MCTP2: variants seen among roughly 807,000 people sequenced by gnomAD.
MCTP2 encodes the protein multiple C2 and transmembrane domain-containing protein 2.
In MCTP2, 132 loss-of-function variants were observed where a neutral mutation model predicts 111.6. The observed-to-expected ratio is 1.18, with a 90% confidence interval of 1.03 to 1.37. The LOEUF is 1.37. Ranked by LOEUF, MCTP2 falls within the 40% of genes most tolerant of loss-of-function variation. The pLI is 0.00. For missense variants in MCTP2, 1,183 were observed against 1,067.9 expected, an observed-to-expected ratio of 1.11 and a Z score of -1.50; for synonymous variants, 395 against 387.7, an observed-to-expected ratio of 1.02 and a Z score of -0.22.
chr15:94,475,890 G>C (rs1418486595), intron 21 of MCTP2, among the ~76,000 whole-genome samples: 2 of 145,886 alleles, frequency 1.4e-5, no homozygotes, highest in Admixed American at 6.9e-5. Context: ...CGGTCTATAG[G>C]ATGTTGACAT....
intron 1 of MCTP2, among the ~76,000 whole-genome samples, chr15:94,278,692 C>T (rs2074332623): frequency 7.6e-6 from 1 of 131,312 alleles, no homozygotes; most frequent in African/African-American, 3.2e-5. Flanking sequence ...GAGCGTAGTA[C>T]CTAACAGGTA....
chr15:94,414,843 C>T (rs1320295416), intron 17 of MCTP2, among the ~76,000 whole-genome samples: 6 of 152,124 alleles, frequency 3.9e-5, no homozygotes, highest in Non-Finnish European at 5.9e-5. Context: ...TGCTAATACA[C>T]TTTTTTACAT....
intron 12 of MCTP2, among the ~76,000 whole-genome samples, chr15:94,382,229 A>G (rs1034631205): frequency 6.6e-6 from 1 of 152,174 alleles, no homozygotes; most frequent in African/African-American, 2.4e-5. Context: ...ATATGGGCTG[A>G]GTTTCTTGTG....
intron 2 of MCTP2, among the ~76,000 whole-genome samples, chr15:94,301,728 TACTC>T (rs1401521405): frequency 1.3e-5 from 2 of 152,194 alleles, no homozygotes; most frequent in African/African-American, 2.4e-5. Context: ...TTTGAAAAAA[TACTC>T]AATTTTATTT....
chr15:94,466,259 CAT>C (rs1596821211), intron 20 of MCTP2, among the ~76,000 whole-genome samples: 1 of 152,052 alleles, frequency 6.6e-6, no homozygotes, highest in East Asian at 1.9e-4. Context: ...CTCATGGTGT[CAT>C]GTGTCTTTTT....
intron 17 of MCTP2, among the ~76,000 whole-genome samples, chr15:94,434,987 C>T (rs2083392406): frequency 6.6e-6 from 1 of 152,038 alleles, no homozygotes; most frequent in African/African-American, 2.4e-5. Context: ...CCTTAGCCTC[C>T]CGAGTAGCTG....
intron 1 of MCTP2, among the ~76,000 whole-genome samples, chr15:94,232,212 G>A (rs1179674699): frequency 6.6e-6 from 1 of 152,186 alleles, no homozygotes; most frequent in Admixed American, 6.5e-5. Context: ...AACTTGAGTG[G>A]CGATTAGTTT....
At chr15:94,373,006 A>G (rs1338216410) in intron 12 of MCTP2, among the ~76,000 whole-genome samples, 1 of 152,224 alleles carries the variant, frequency 6.6e-6, no homozygotes, top group Non-Finnish European at 1.5e-5. Context: ...GCAAAAGTCC[A>G]TAGGGATTAG....
At chr15:94,391,804 A>C (rs1173684873) in intron 14 of MCTP2, among the ~76,000 whole-genome samples, 1 of 152,220 alleles carries the variant, frequency 6.6e-6, no homozygotes, top group Non-Finnish European at 1.5e-5. Context: ...ACAGGCTAAG[A>C]GAGAAAGAAT....
intron 20 of MCTP2, among the ~76,000 whole-genome samples, chr15:94,461,321 A>G (rs977744913): frequency 6.6e-6 from 1 of 152,050 alleles, no homozygotes; most frequent in African/African-American, 2.4e-5. Flanking sequence ...TTAGCCGAGC[A>G]TGGTGGCACA....
chr15:94,377,616 A>G (rs150149054), intron 12 of MCTP2, among the ~76,000 whole-genome samples: 59 of 152,328 alleles, frequency 3.9e-4, no homozygotes, highest in African/African-American at 1.2e-3. Flanking sequence ...TTTAGCAAAT[A>G]TACCTTTTCT....
At chr15:94,436,011 T>G (rs1438701105) in intron 17 of MCTP2, among the ~76,000 whole-genome samples, 2 of 152,120 alleles carry the variant, frequency 1.3e-5, no homozygotes, top group Admixed American at 6.5e-5. Context: ...TCACATGTCT[T>G]AGGGTGATAG....
chr15:94,254,841 A>G (rs2072663849), intron 1 of MCTP2, among the ~76,000 whole-genome samples: 1 of 152,230 alleles, frequency 6.6e-6, no homozygotes, highest in Admixed American at 6.5e-5. Flanking sequence ...CTTAGAAACT[A>G]ATGACTTCGC....
At chr15:94,354,443 A>C (rs1309602191) in intron 8 of MCTP2, among the ~76,000 whole-genome samples, 1 of 152,092 alleles carries the variant, frequency 6.6e-6, no homozygotes, top group Admixed American at 6.5e-5. Context: ...TTCTCTTGAG[A>C]TCTGATGGCT....
At position 94,409,283 on chromosome 15, in the gene MCTP2, C is replaced by T. The variant is rs549976308; in HGVS notation, c.2085+7264C>T. Among the ~76,000 whole-genome samples the T allele has an allele frequency of 1.8e-4, 27 of 152,200 alleles. 1 individual carries two copies. Among genetic ancestry groups the T allele is most frequent in the African/African-American group, 3.6e-4 (15 of 41,536 alleles). ...CCTCCTGCCCTTGAACATCGGACTCCGAGTTCTTCAGTTGAGGAACTCGGA... is the reference window on the plus strand; with the variant it reads ...CCTCCTGCCCTTGAACATCGGACTCTGAGTTCTTCAGTTGAGGAACTCGGA... On this transcript the variant is annotated intron_variant, in intron 17 of 22. Coordinates refer to ENST00000357742, the MANE Select transcript of MCTP2 (RefSeq NM_001385001.1).
intron 19 of MCTP2, 35 bp from the exon 20 acceptor site, chr15:94,458,102 G>A (rs775408560): frequency 8.5e-7 from 1 of 1,172,894 alleles, no homozygotes. Context: ...AAAAAATGAA[G>A]TAACTGAGTT....
intron 8 of MCTP2, among the ~76,000 whole-genome samples, chr15:94,353,125 C>T (rs757188779): frequency 6.6e-6 from 1 of 152,194 alleles, no homozygotes; most frequent in African/African-American, 2.4e-5. Context: ...AAATCCTGGA[C>T]AGCAGAGAGC....
intron 1 of MCTP2, among the ~76,000 whole-genome samples, chr15:94,245,243 T>TACATATGTATATATATAC (rs1567263516): frequency 7.1e-6 from 1 of 140,796 alleles, no homozygotes; most frequent in African/African-American, 2.6e-5. Context: ...TATGTATATA[T>TACATATGTATATATATAC]ACACATATGT....
At chr15:94,444,272 C>G (rs1448699949) in intron 19 of MCTP2, among the ~76,000 whole-genome samples, 1 of 152,240 alleles carries the variant, frequency 6.6e-6, no homozygotes, top group African/African-American at 2.4e-5. Context: ...CTTCCACGCC[C>G]TCTCTGGGCA....
Sources: allele counts gnomAD v4.1 joint callset (sites outside exome capture counted in the v4.1 genomes callset), GRCh38; gene constraint gnomAD v4.1.1; transcripts MANE v1.5; gene names NCBI Gene and HGNC (gene_info 2026-07-23, HGNC 2026-07-21).